The following APC variants were observed in gnomAD, a reference collection of about 807,000 sequenced individuals.
The protein encoded by APC is APC regulator of Wnt signaling pathway.
Under a neutral mutation model 247.0 loss-of-function variants are expected in APC, and 72 were observed. The ratio of observed to expected loss-of-function variants is 0.29; its 90% CI spans 0.24 to 0.35. The LOEUF is 0.35. APC is among the 10% of genes least tolerant of loss of function. The pLI, the probability that APC is intolerant of heterozygous loss-of-function variation, is 1.00. For missense variants in APC, 3,400 were observed against 3,360.7 expected, an observed-to-expected ratio of 1.01 and a Z score of -0.29; for synonymous variants, 1,254 against 1,162.5, an observed-to-expected ratio of 1.08 and a Z score of -1.60.
intron 1 of APC, among the ~76,000 whole-genome samples, chr5:112,721,763 C>T (rs1751495309): frequency 1.3e-5 from 2 of 151,960 alleles, no homozygotes; most frequent in African/African-American, 4.8e-5. Context: ...TATCTTTTGC[C>T]TCCCTCTACA....
rs1169097707 is a variant in APC at position 112,841,660 on chromosome 5, A to T, written c.6066A>T (p.Ser2022=). Residue 2022 remains serine (S), a synonymous_variant, in exon 16 of 16, where the codon TCA becomes TCT. Transcript: ENST00000257430. This position sits in a 1 kb window ranked among gnomAD's most constrained non-coding sequence, Gnocchi z 4.6. ...FHVEDTPVCF[S]RNSSLSSLSI... ...TTGAAGATACCCCAGTTTGTTTCTC[A>T]AGAAACAGTTCTCTCAGTTCTCTTA... The T allele has an allele frequency of 6.2e-7, 1 of 1,613,586 alleles. No homozygotes were observed. Among genetic ancestry groups the T allele is most frequent in the Non-Finnish European group, 8.5e-7 (1 of 1,179,464 alleles).
chr5:112,725,292 T>C (rs1467766658), intron 1 of APC, among the ~76,000 whole-genome samples: 1 of 152,152 alleles, frequency 6.6e-6, no homozygotes, highest in African/African-American at 2.4e-5. Flanking sequence ...CCTGTAAGTA[T>C]AACTTACAGC....
intron 1 of APC, among the ~76,000 whole-genome samples, chr5:112,710,429 C>A (rs1008846055): frequency 2.6e-5 from 4 of 152,014 alleles, no homozygotes; most frequent in Non-Finnish European, 5.9e-5. Context: ...GAAGAAATGA[C>A]CTTCTTTCTT....
Position 112,761,277 on chromosome 5 carries a change from A to G in APC, c.136-5049A>G, listed in dbSNP as rs72787352. Reference sequence around the variant, plus strand: ...TTATATGAAATGCAGAGAAACTGGAAGATTACTGATAATCAAGGGAACAAA... The same window carrying G: ...TTATATGAAATGCAGAGAAACTGGAGGATTACTGATAATCAAGGGAACAAA... On this transcript the variant is annotated intron_variant, in intron 2 of 15. Transcript: ENST00000257430. Among the ~76,000 whole-genome samples, 31 of 152,346 alleles carry G rather than the reference A, an allele frequency of 2.0e-4. 1 individual carries two copies. The highest frequency in any genetic ancestry group is 4.1e-4 in the Non-Finnish European group (28 of 68,020).
At chr5:112,759,609 G>C (rs1755427207) in intron 2 of APC, among the ~76,000 whole-genome samples, 1 of 151,912 alleles carries the variant, frequency 6.6e-6, no homozygotes, top group Non-Finnish European at 1.5e-5. Context: ...TCCTGCCTCG[G>C]CCTCCAAAGT....
chr5:112,809,857 C>T (rs528805337), intron 8 of APC, among the ~76,000 whole-genome samples: 12 of 152,094 alleles, frequency 7.9e-5, no homozygotes, highest in South Asian at 4.1e-4. Flanking sequence ...ATTAGCTGGG[C>T]GTGGCAGCGC....
intron 1 of APC, among the ~76,000 whole-genome samples, chr5:112,739,426 A>G (rs1038733734): frequency 6.6e-6 from 1 of 152,234 alleles, no homozygotes; most frequent in African/African-American, 2.4e-5. Flanking sequence ...ATATTGTTTC[A>G]GTAATATTTT....
intron 15 of APC, among the ~76,000 whole-genome samples, chr5:112,836,009 CTTTTTT>C (rs371484714): frequency 0.01 from 1,092 of 106,298 alleles, 16 homozygotes; most frequent in African/African-American, 0.044. Flanking sequence ...ATACAACTGT[CTTTTTT>C]TTTTTTTTTT....
At chr5:112,732,419 C>T (rs1328509070) in intron 1 of APC, among the ~76,000 whole-genome samples, 1 of 152,102 alleles carries the variant, frequency 6.6e-6, no homozygotes, top group Non-Finnish European at 1.5e-5. Flanking sequence ...AAACTTAGTC[C>T]CGTGGCTGCA....
intron 1 of APC, among the ~76,000 whole-genome samples, chr5:112,709,564 GT>G (rs1277216495): frequency 6.6e-6 from 1 of 152,136 alleles, no homozygotes. Context: ...AAAATGATTT[GT>G]AGCTCTGTAT....
chr5:112,730,592 A>G (rs973816066), intron 1 of APC, among the ~76,000 whole-genome samples: 2 of 152,240 alleles, frequency 1.3e-5, no homozygotes, highest in Non-Finnish European at 2.9e-5. Context: ...AAGCATATTT[A>G]TCATGAAACT....
chr5:112,809,674 T>C (rs1055248922), intron 8 of APC, among the ~76,000 whole-genome samples: 3 of 151,828 alleles, frequency 2.0e-5, no homozygotes, highest in Non-Finnish European at 4.4e-5. Context: ...CTATATTATA[T>C]TGGAGTGAGT....
At chr5:112,789,366 T>G (rs1002889460) in intron 6 of APC, among the ~76,000 whole-genome samples, 4 of 152,144 alleles carry the variant, frequency 2.6e-5, no homozygotes, top group Non-Finnish European at 4.4e-5. Context: ...GATTTTTGTA[T>G]TAGGTATAGG....
intron 1 of APC, among the ~76,000 whole-genome samples, chr5:112,749,887 T>TC (rs1292731256): frequency 6.6e-6 from 1 of 151,556 alleles, no homozygotes; most frequent in East Asian, 1.9e-4. Flanking sequence ...GTTTTCTTTT[T>TC]CCTGTCTCTA....
At chr5:112,755,097 A>G (rs1391754568) in intron 2 of APC, 72 bp downstream of exon 2, 2 of 1,597,486 alleles carry the variant, frequency 1.3e-6, no homozygotes, top group Non-Finnish European at 1.7e-6. Flanking sequence ...AACTTGAGGT[A>G]AGACACTTTA....
rs1378349747 is a variant in APC, at chr5:112,754,854, A to G, written c.-18-19A>G. ...AAATTTTTTAGTAGTGAATTTCAAA[A>G]TCCTTTTTAACCTTATAGGTCCAAG... On this transcript the variant is annotated intron_variant, in intron 1 of 15. Coordinates refer to ENST00000257430, the MANE Select transcript of APC (RefSeq NM_000038.6). The G allele has an allele frequency of 6.2e-7, 1 of 1,612,424 alleles. No homozygotes were observed.
Position 112,716,537 on chromosome 5 carries a change from G to T in APC, c.165+8655G>T, listed in dbSNP as rs185024228. Among the ~76,000 whole-genome samples the T allele has an allele frequency of 1.5e-3, 223 of 152,062 alleles. 1 individual carries two copies. Among genetic ancestry groups the T allele is most frequent in the African/African-American group, 5.1e-3 (213 of 41,450 alleles). The stretch of plus-strand genomic sequence containing the variant: ...TTTCCTCTCCATTTATTGAGTGCAG[G>T]TCTCTGTATTTTTTTTATTAGGTCA... On this transcript the variant is annotated intron_variant, in intron 1 of 13. Transcript: ENST00000507379.
rs2149904709 is a variant in APC, at chr5:112,839,631, C to T, written c.4037C>T (p.Ser1346Leu). The change falls in exon 16 of 16, where the codon TCA (serine) becomes TTA (leucine). Residue 1346 changes from serine (S) to leucine (L), a missense_variant. Physicochemically the swap from Ser to Leu is moderately radical, Grantham distance 145. Coordinates refer to ENST00000257430, the MANE Select transcript of APC (RefSeq NM_000038.6). This position sits in a 1 kb window ranked among gnomAD's most constrained non-coding sequence, Gnocchi z 5.0. ...RLQGSSLSSE[S>L]ARHKAVEFSS... Reference sequence around the variant, plus strand: ...CAGGGTTCTAGTTTATCTTCAGAATCAGCCAGGCACAAAGCTGTTGAATTT... The same window carrying T: ...CAGGGTTCTAGTTTATCTTCAGAATTAGCCAGGCACAAAGCTGTTGAATTT... The T allele has an allele frequency of 6.2e-7, 1 of 1,614,156 alleles. No homozygotes were observed. Among genetic ancestry groups the T allele is most frequent in the Admixed American group, 1.7e-5 (1 of 60,020 alleles).
In APC at chr5:112,809,564, C is replaced by A. The variant is rs2546106; in HGVS notation, c.835-5931C>A. The stretch of plus-strand genomic sequence containing the variant: ...GAACAGTTAACAGTTTCCACCATTG[C>A]CATGAGGACTAAAAAATCACCTTGG... On this transcript the variant is annotated intron_variant, in intron 8 of 15. Transcript: ENST00000257430. Among the ~76,000 whole-genome samples the A allele has an allele frequency of 0.39, 59,439 of 150,546 alleles. 14,054 individuals carry two copies. Among genetic ancestry groups the A allele is most frequent in the East Asian group, 0.67 (3,409 of 5,120 alleles).
Sources: allele counts gnomAD v4.1 joint callset (sites outside exome capture counted in the v4.1 genomes callset), GRCh38; gene constraint gnomAD v4.1.1; non-coding constraint Gnocchi (gnomAD v3.1); transcripts MANE v1.5; gene names NCBI Gene and HGNC (gene_info 2026-07-23, HGNC 2026-07-21).